Variants in EML6 observed in about 807,000 individuals in gnomAD.
EML6 encodes EMAP like 6.
In EML6, 154 loss-of-function variants were observed where a neutral mutation model predicts 240.1. That is an observed-to-expected ratio of 0.64 (90% confidence interval 0.56 to 0.73). The LOEUF is 0.73. EML6 is among the 30% of genes least tolerant of loss of function. The pLI, the probability that EML6 is intolerant of heterozygous loss-of-function variation, is 0.00. For synonymous variants in EML6, 1,148 were observed against 899.0 expected (o/e 1.28, Z -4.95); for missense variants, 2,964 against 2,474.6 (o/e 1.20, Z -4.20).
rs1329471813 is a variant in EML6 at position 54,928,798 on chromosome 2, G to A, written c.4004+47G>A. On this transcript the variant is annotated intron_variant, in intron 28 of 41. Transcript: ENST00000356458. ...TTGCTTTTATTATACCTGATGACAA[G>A]AAACTTGTTTAAGCCAGAGTGCGTT... 6 of 1,550,342 alleles carry A rather than the reference G, an allele frequency of 3.9e-6. No individual in the cohort carries two copies. The South Asian group carries it at 7.2e-5, about 19-fold the overall frequency.
chr2:54,731,304 T>C (rs1572831688), intron 2 of EML6, among the ~76,000 whole-genome samples: 1 of 152,078 alleles, frequency 6.6e-6, no homozygotes, highest in African/African-American at 2.4e-5. Flanking sequence ...TTCCATTCAG[T>C]TATTGTTGTG....
chr2:54,792,579 G>A (rs970277308), intron 2 of EML6, among the ~76,000 whole-genome samples: 3 of 152,270 alleles, frequency 2.0e-5, no homozygotes, highest in African/African-American at 4.8e-5. Context: ...GAACTGTTGC[G>A]TATCTGCATT....
At chr2:54,922,704 C>T (rs4521078) in intron 26 of EML6, among the ~76,000 whole-genome samples, 6 of 151,938 alleles carry the variant, frequency 3.9e-5, no homozygotes, top group Admixed American at 6.6e-5. Context: ...TACATGGTGG[C>T]GTATTATTCA....
At position 54,725,091 on chromosome 2, in the gene EML6, G is replaced by C; in HGVS notation, c.30G>C (p.Gln10His). Reference protein sequence around the residue: MADRTAPRCQLRLEWVYGYR... With the variant: MADRTAPRCHLRLEWVYGYR... ...CGGATCGGACGGCGCCCCGCTGCCA[G>C]CTCCGGCTGGAGTGGGTGTACGGGT... The change falls in exon 2 of 42, where the codon CAG becomes CAC. Residue 10 changes from glutamine to histidine, a missense_variant. Physicochemically the swap from Gln to His is conservative, Grantham distance 24 (BLOSUM62 0). Transcript: ENST00000356458. This position sits in a 1 kb window ranked among gnomAD's most constrained non-coding sequence, Gnocchi z 4.3. 1 of 1,531,194 alleles carries C rather than the reference G, an allele frequency of 6.5e-7. No individual in the cohort carries two copies. The highest frequency in any genetic ancestry group is 8.8e-7 in the Non-Finnish European group (1 of 1,138,420). 94.9% of individuals were successfully genotyped at this position (1,531,194 alleles called of 1,614,324 possible). A position where few individuals can be genotyped will look rare whatever the true frequency, so the allele number is the denominator to read the frequency against.
At chr2:54,804,246 A>G (rs73935226) in intron 2 of EML6, among the ~76,000 whole-genome samples, 3,379 of 152,342 alleles carry the variant, frequency 0.022, 126 homozygotes, top group African/African-American at 0.077. Flanking sequence ...CATGACTGGC[A>G]TATTTAATTA....
intron 30 of EML6, among the ~76,000 whole-genome samples, chr2:54,951,950 G>A (rs556817613): frequency 1.3e-5 from 2 of 152,256 alleles, no homozygotes; most frequent in South Asian, 4.1e-4. Context: ...GAGCATTTGG[G>A]TGGGTTTAAA....
At chr2:54,886,877 C>T (rs1364477407) in intron 17 of EML6, among the ~76,000 whole-genome samples, 1 of 152,176 alleles carries the variant, frequency 6.6e-6, no homozygotes. Context: ...ATAGGTACTT[C>T]CTGTCACATC....
chr2:54,827,608 A>T lies in EML6; in HGVS notation c.568A>T (p.Ile190Leu), dbSNP rs771086517. ...AAATGCCCTGACTGCAAAAAGAGGG[A>T]TATTTGGCAAAACAGGGGATCTTCA... ...CGNALTAKRGIFGKTGDLQTI... is the reference protein window; with the variant it reads ...CGNALTAKRGLFGKTGDLQTI... Residue 190 changes from isoleucine to leucine, a missense_variant, in exon 6 of 42, where the codon ATA becomes TTA. By Grantham distance (5) the Ile-to-Leu change is conservative. Coordinates refer to ENST00000356458, the MANE Select transcript of EML6 (RefSeq NM_001039753.4). The T allele has an allele frequency of 1.3e-6, 2 of 1,551,594 alleles. No individual in the cohort carries two copies. Among genetic ancestry groups the T allele is most frequent in the Middle Eastern group, 1.7e-4 (1 of 6,012 alleles).
At chr2:54,919,847 G>A (rs770467029) in intron 26 of EML6, among the ~76,000 whole-genome samples, 11 of 152,178 alleles carry the variant, frequency 7.2e-5, no homozygotes, top group Non-Finnish European at 1.3e-4. Context: ...TATATCTCAG[G>A]TGGGAAGGAA....
chr2:54,905,377 C>G (rs1003512894), intron 24 of EML6, among the ~76,000 whole-genome samples: 2 of 129,546 alleles, frequency 1.5e-5, no homozygotes, highest in African/African-American at 5.5e-5. Flanking sequence ...CACACACACA[C>G]AAAATACCTG....
intron 28 of EML6, among the ~76,000 whole-genome samples, chr2:54,947,013 CTCT>C (rs1342822528): frequency 4.6e-5 from 7 of 151,726 alleles, no homozygotes; most frequent in Admixed American, 2.6e-4. Flanking sequence ...TGTACGCATA[CTCT>C]ATATTCACTG....
chr2:54,847,599 G>T lies in EML6; in HGVS notation c.1163G>T (p.Gly388Val), dbSNP rs1669835208. ...CAGCTGGCCCTGGGCATGAAGGACGGCTCTTTCATTGTTCTCCGAGTCAGG... is the reference window on the plus strand; with the variant it reads ...CAGCTGGCCCTGGGCATGAAGGACGTCTCTTTCATTGTTCTCCGAGTCAGG... ...GSQLALGMKD[G>V]SFIVLRVRDM... Residue 388 changes from glycine to valine, a missense_variant, in exon 9 of 42, where the codon GGC (glycine) becomes GTC (valine). By Grantham distance (109) the Gly-to-Val change is moderately radical (BLOSUM62 -3). Transcript: ENST00000356458. The T allele has an allele frequency of 6.4e-7, 1 of 1,552,154 alleles. No individual in the cohort carries two copies. Among genetic ancestry groups the T allele is most frequent in the African/African-American group, 1.4e-5 (1 of 73,020 alleles).
chr2:54,772,165 T>G (rs1334777862), intron 2 of EML6, among the ~76,000 whole-genome samples: 1 of 152,254 alleles, frequency 6.6e-6, no homozygotes, highest in African/African-American at 2.4e-5. Context: ...AATTCCTGCT[T>G]TGTGCCAGAC....
intron 12 of EML6, among the ~76,000 whole-genome samples, chr2:54,859,983 A>G (rs1032943088): frequency 1.3e-5 from 2 of 152,210 alleles, no homozygotes; most frequent in African/African-American, 4.8e-5. Flanking sequence ...CCCTCCACTC[A>G]TGGACACCAA....
At chr2:54,885,016 C>T (rs945817964) in intron 17 of EML6, among the ~76,000 whole-genome samples, 1 of 151,796 alleles carries the variant, frequency 6.6e-6, no homozygotes, top group Non-Finnish European at 1.5e-5. Context: ...CAAAAAATTA[C>T]CCGGGCATGA....
At chr2:54,924,397 A>C (rs1674429765) in intron 26 of EML6, among the ~76,000 whole-genome samples, 1 of 152,052 alleles carries the variant, frequency 6.6e-6, no homozygotes, top group South Asian at 2.1e-4. Context: ...AAGTATCTGT[A>C]CAAATCTTCT....
intron 7 of EML6, among the ~76,000 whole-genome samples, chr2:54,837,594 C>T (rs1400729628): frequency 6.6e-6 from 1 of 152,192 alleles, no homozygotes; most frequent in Non-Finnish European, 1.5e-5. Context: ...CATCTTTGGG[C>T]TTTCCGATCC....
At chr2:54,917,862 A>G (rs149597942) in intron 26 of EML6, among the ~76,000 whole-genome samples, 1 of 152,260 alleles carries the variant, frequency 6.6e-6, no homozygotes, top group African/African-American at 2.4e-5. Context: ...AGTCCAGTTT[A>G]TCAATTCTTC....
At chr2:54,958,115 A>G in intron 33 of EML6, 117 bp downstream of exon 33, 1 of 857,562 alleles carries the variant, frequency 1.2e-6, no homozygotes, top group Non-Finnish European at 1.8e-6. Context: ...AGCCATTTCC[A>G]CATTCGCTCC....
Sources: gnomAD v4.1 joint callset for allele counts (sites outside exome capture counted in the v4.1 genomes callset) on GRCh38, gnomAD v4.1.1 for gene constraint, Gnocchi (gnomAD v3.1) non-coding constraint, MANE v1.5 for transcripts, NCBI Gene and HGNC (gene_info 2026-07-23, HGNC 2026-07-21) for gene names.